Variants in SLCO6A1 observed in about 807,000 individuals in gnomAD.
The protein encoded by SLCO6A1 is cancer/testis antigen 48.
In SLCO6A1, 65 loss-of-function variants were observed where a neutral mutation model predicts 72.7. That is an observed-to-expected ratio of 0.89 (90% CI 0.73 to 1.10). The LOEUF is 1.10. SLCO6A1 is among the 50% of genes least tolerant of loss of function. The pLI is 0.00. For synonymous variants in SLCO6A1, 314 were observed against 298.2 expected, an observed-to-expected ratio of 1.05 and a Z score of -0.55; for missense variants, 874 against 872.6, an observed-to-expected ratio of 1.00 and a Z score of -0.02.
At chr5:102,445,662 T>C (rs1389134633) in intron 6 of SLCO6A1, among the ~76,000 whole-genome samples, 2 of 152,222 alleles carry the variant, frequency 1.3e-5, no homozygotes, top group African/African-American at 4.8e-5. Context: ...ACATCCAGAA[T>C]GGTATTTCCT....
In SLCO6A1 at chr5:102,498,009, G is replaced by C. The variant is rs564134262; in HGVS notation, c.358+478C>G. Among the ~76,000 whole-genome samples, 5 of 152,116 alleles carry C rather than the reference G, an allele frequency of 3.3e-5. No individual in the cohort carries two copies. In the East Asian group the frequency reaches 9.7e-4, roughly 29 times the overall value. On this transcript the variant is annotated intron_variant, in intron 1 of 13. Coordinates refer to ENST00000506729, the MANE Select transcript of SLCO6A1 (RefSeq NM_173488.5). Reference sequence around the variant, plus strand: ...CTGACACCACCCAGACAAGTAATCTGGGTCAACTAGTTCTGCCATCCCACC... The same window carrying C: ...CTGACACCACCCAGACAAGTAATCTCGGTCAACTAGTTCTGCCATCCCACC...
chr5:102,459,678 T>C lies in SLCO6A1; in HGVS notation c.999A>G (p.Ser333=), dbSNP rs1275821778. ...VVAWCTLIPL[S]CFPNNMPGST... is the part of the protein sequence containing the mutation. ...CACCTGGCATATTGTTTGGAAAGCA[T>C]GACAATGGTATTAATGTACACCATG... Residue 333 remains serine, a synonymous_variant, in exon 5 of 14, where the codon TCA becomes TCG. Transcript: ENST00000506729. The C allele has an allele frequency of 3.8e-6, 6 of 1,594,856 alleles. No individual in the cohort carries two copies. Among genetic ancestry groups the C allele is most frequent in the Non-Finnish European group, 5.1e-6 (6 of 1,174,172 alleles).
intron 4 of SLCO6A1, among the ~76,000 whole-genome samples, chr5:102,465,786 G>T (rs1751280347): frequency 6.6e-6 from 1 of 152,072 alleles, no homozygotes; most frequent in Non-Finnish European, 1.5e-5. Flanking sequence ...ACCTGGTGAG[G>T]TGACCCAAAC....
In SLCO6A1 at chr5:102,458,615, C is replaced by G. The variant is rs113318240; in HGVS notation, c.1022-124G>C. 455 of 618,344 alleles carry G rather than the reference C, an allele frequency of 7.4e-4. 3 individuals carry two copies. The African/African-American group carries it at 7.4e-3, about 10-fold the overall frequency. The allele number at this position is 618,344 out of a possible 1,614,324, so 38.3% of individuals were successfully genotyped here. ...AAATGGCAAATGAGTTATTTTTGAACAAGCTAAACTCAATCTCATTAATTA... is the reference window on the plus strand; with the variant it reads ...AAATGGCAAATGAGTTATTTTTGAAGAAGCTAAACTCAATCTCATTAATTA... On this transcript the variant is annotated intron_variant, in intron 5 of 13. Coordinates refer to ENST00000506729, the MANE Select transcript of SLCO6A1 (RefSeq NM_173488.5).
chr5:102,475,620 T>C, intron 4 of SLCO6A1, 77 bp downstream of exon 4: 1 of 874,084 alleles, frequency 1.1e-6, no homozygotes, highest in Admixed American at 2.6e-5. Flanking sequence ...AATATATATA[T>C]TTACTTGTAA....
chr5:102,442,952 CTT>C (rs2112695442), intron 6 of SLCO6A1, among the ~76,000 whole-genome samples: 2 of 152,284 alleles, frequency 1.3e-5, no homozygotes, highest in African/African-American at 4.8e-5. Flanking sequence ...AATCCCAACA[CTT>C]TGAGAGGTCA....
intron 7 of SLCO6A1, among the ~76,000 whole-genome samples, chr5:102,424,571 G>A (rs988046200): frequency 6.6e-6 from 1 of 152,056 alleles, no homozygotes; most frequent in Non-Finnish European, 1.5e-5. Flanking sequence ...ACTAAACCAG[G>A]AAGAAGTCGA....
At chr5:102,434,714 G>C (rs1749409365) in intron 7 of SLCO6A1, among the ~76,000 whole-genome samples, 1 of 152,182 alleles carries the variant, frequency 6.6e-6, no homozygotes, top group Non-Finnish European at 1.5e-5. Flanking sequence ...CAGCTCCATA[G>C]AAAGTACCAT....
intron 5 of SLCO6A1, 33 bp downstream of exon 5, chr5:102,459,623 C>T: frequency 1.9e-6 from 3 of 1,552,824 alleles, no homozygotes; most frequent in Non-Finnish European, 8.7e-7. Context: ...AAACTACTAT[C>T]CTCCAATTTA....
intron 1 of SLCO6A1, among the ~76,000 whole-genome samples, chr5:102,488,219 A>T (rs1306078721): frequency 5.3e-5 from 8 of 152,192 alleles, no homozygotes; most frequent in Admixed American, 4.6e-4. Flanking sequence ...TAACTGACAT[A>T]GGGTTAAATA....
chr5:102,464,699 CCTT>C (rs1431239458), intron 4 of SLCO6A1, among the ~76,000 whole-genome samples: 1 of 152,042 alleles, frequency 6.6e-6, no homozygotes, highest in Non-Finnish European at 1.5e-5. Context: ...ACAAATGTAG[CCTT>C]TATTAAAGAG....
rs532070332 is a variant in SLCO6A1 at position 102,401,418 on chromosome 5, A to G, written c.1627-1676T>C. Among the ~76,000 whole-genome samples, 80 of 152,240 alleles carry G rather than the reference A, an allele frequency of 5.3e-4. No individual in the cohort carries two copies. The South Asian group carries it at 7.5e-3, about 14-fold the overall frequency. On this transcript the variant is annotated intron_variant, in intron 9 of 13. Coordinates refer to ENST00000506729, the MANE Select transcript of SLCO6A1 (RefSeq NM_173488.5). Reference sequence around the variant, plus strand: ...TGATGTGAAGTCATTGGATGGATATATAAATGATATATTTTAAAAGATCAT... The same window carrying G: ...TGATGTGAAGTCATTGGATGGATATGTAAATGATATATTTTAAAAGATCAT...
intron 10 of SLCO6A1, among the ~76,000 whole-genome samples, chr5:102,391,394 C>A (rs1746750592): frequency 6.6e-6 from 1 of 152,054 alleles, no homozygotes; most frequent in Admixed American, 6.6e-5. Flanking sequence ...TTTTAGAGTT[C>A]TTTTTGCCCC....
intron 10 of SLCO6A1, among the ~76,000 whole-genome samples, chr5:102,395,652 C>T (rs1292959666): frequency 1.3e-5 from 2 of 152,144 alleles, no homozygotes; most frequent in East Asian, 1.9e-4. Flanking sequence ...TTTACAGACC[C>T]ACCAACAGTG....
In SLCO6A1 at chr5:102,480,159, T is replaced by C; in HGVS notation, c.616+18A>G. ...TGAATATTGATTTGATGTATGACAG[T>C]ATATTTTAAAACCTTACCTTCAATT... On this transcript the variant is annotated intron_variant, in intron 2 of 13. Coordinates refer to ENST00000506729, the MANE Select transcript of SLCO6A1 (RefSeq NM_173488.5). 6.3e-7 allele frequency: 1 copy of C among 1,583,596 alleles called. No individual in the cohort carries two copies. Among genetic ancestry groups the C allele is most frequent in the Non-Finnish European group, 8.6e-7 (1 of 1,162,140 alleles).
chr5:102,376,967 C>A (rs1745830296), intron 12 of SLCO6A1, among the ~76,000 whole-genome samples: 1 of 152,066 alleles, frequency 6.6e-6, no homozygotes, highest in South Asian at 2.1e-4. Context: ...AGTTCAAGAT[C>A]AGCCTGGGCA....
chr5:102,498,468 C>A lies in SLCO6A1; in HGVS notation c.358+19G>T, dbSNP rs775154371. On this transcript the variant is annotated intron_variant, in intron 1 of 13. Transcript: ENST00000506729. Reference sequence around the variant, plus strand: ...CCCCAGCTGCCCTCGCCACAACAAACCGCCTCCTTCAGGCTCACCTTGACA... The same window carrying A: ...CCCCAGCTGCCCTCGCCACAACAAAACGCCTCCTTCAGGCTCACCTTGACA... 24 of 1,600,012 alleles carry A rather than the reference C, an allele frequency of 1.5e-5. No homozygotes were observed. Among genetic ancestry groups the A allele is most frequent in the Admixed American group, 3.4e-5 (2 of 58,958 alleles).
chr5:102,465,607 A>G (rs1023050454), intron 4 of SLCO6A1, among the ~76,000 whole-genome samples: 4 of 152,086 alleles, frequency 2.6e-5, no homozygotes, highest in Non-Finnish European at 5.9e-5. Flanking sequence ...TCATCATATA[A>G]CCTAGAAGAA....
At position 102,458,441 on chromosome 5, in the gene SLCO6A1, T is replaced by G; in HGVS notation, c.1072A>C (p.Ser358Arg). 6.2e-7 allele frequency: 1 copy of G among 1,613,060 alleles called. No homozygotes were observed. Among genetic ancestry groups the G allele is most frequent in the Non-Finnish European group, 8.5e-7 (1 of 1,179,478 alleles). The change falls in exon 6 of 14, where the codon AGC becomes CGC. Residue 358 changes from serine (S) to arginine (R), a missense_variant. By Grantham distance (110) the Ser-to-Arg change is moderately radical. Coordinates refer to ENST00000506729, the MANE Select transcript of SLCO6A1 (RefSeq NM_173488.5). ...RKRKQLHFFD[S>R]RLKDLKLGTN... ...CCAAGTTTCAGATCTTTAAGTCTGC[T>G]GTCAAAAAAATGAAGCTGTTTACGT... is the stretch of plus-strand genomic sequence containing the variant.
Sources: allele counts gnomAD v4.1 joint callset (sites outside exome capture counted in the v4.1 genomes callset), GRCh38; gene constraint gnomAD v4.1.1; transcripts MANE v1.5; gene names NCBI Gene and HGNC (gene_info 2026-07-23, HGNC 2026-07-21).